Variants in TULP4 observed in about 807,000 individuals in gnomAD.
TULP4 encodes tubby-related protein 4.
In TULP4, 16 loss-of-function variants were observed where a neutral mutation model predicts 129.0. The observed-to-expected ratio is 0.12, with a 90% CI of 0.08 to 0.19. TULP4 has a LOEUF of 0.19. TULP4 is among the 10% of genes least tolerant of loss of function. The pLI is 1.00. For missense variants in TULP4, 1,842 were observed against 2,059.1 expected (o/e 0.89, Z 2.04); for synonymous variants, 998 against 854.0 (o/e 1.17, Z -2.94).
intron 1 of TULP4, chr6:158,242,543 A>T (rs1184663393): frequency 4.0e-6 from 3 of 747,370 alleles, no homozygotes; most frequent in Admixed American, 1.8e-5. Flanking sequence ...AGACATTCTC[A>T]ATTCTGTTGA....
intron 1 of TULP4, among the ~76,000 whole-genome samples, chr6:158,236,795 C>CTTTTTTTTCTTTTTTTTTTTTTTTTTT (rs1777713374): frequency 1.6e-5 from 1 of 63,292 alleles, no homozygotes; most frequent in African/African-American, 7.2e-5. Context: ...CAATTCTTTT[C>CTTTTTTTTCTTTTTTTTTTTTTTTTTT]TTTTTTTTTT....
chr6:158,486,630 G>A (rs1177624104), intron 8 of TULP4, among the ~76,000 whole-genome samples: 3 of 152,084 alleles, frequency 2.0e-5, no homozygotes, highest in Non-Finnish European at 2.9e-5. Flanking sequence ...GGAAGACAGC[G>A]TTCCCCAGAA....
chr6:158,375,747 T>C (rs1018826086), intron 1 of TULP4, among the ~76,000 whole-genome samples: 1 of 152,196 alleles, frequency 6.6e-6, no homozygotes. Flanking sequence ...ACTCCTGACC[T>C]TGGATGGTGT....
intron 1 of TULP4, among the ~76,000 whole-genome samples, chr6:158,296,983 AG>A (rs1301225337): frequency 6.6e-6 from 1 of 152,172 alleles, no homozygotes; most frequent in African/African-American, 2.4e-5. Flanking sequence ...AACAGAAAAC[AG>A]GGTTCGAGAG....
At chr6:158,384,175 G>A (rs1055127547) in intron 1 of TULP4, among the ~76,000 whole-genome samples, 16 of 152,026 alleles carry the variant, frequency 1.1e-4, no homozygotes, top group African/African-American at 3.6e-4. Context: ...AATTTCTCTA[G>A]CATGTAAAGC....
At chr6:158,272,659 A>C (rs1163814656) in intron 1 of TULP4, among the ~76,000 whole-genome samples, 1 of 152,236 alleles carries the variant, frequency 6.6e-6, no homozygotes, top group Non-Finnish European at 1.5e-5. Context: ...TGAGTAGTTA[A>C]GTAGCATAGC....
intron 1 of TULP4, among the ~76,000 whole-genome samples, chr6:158,298,071 G>A (rs1779066111): frequency 6.6e-6 from 1 of 152,072 alleles, no homozygotes; most frequent in Non-Finnish European, 1.5e-5. Flanking sequence ...TCTCCTATTT[G>A]CACATCCATT....
At position 158,364,148 on chromosome 6, in the gene TULP4, TA is replaced by T. The variant is rs201915683; in HGVS notation, c.253-48910del. Among the ~76,000 whole-genome samples, 143 of 152,286 alleles carry T rather than the reference TA, an allele frequency of 9.4e-4. 3 individuals carry two copies. The East Asian group carries it at 0.026, about 27-fold the overall frequency. On this transcript the variant is annotated intron_variant, in intron 1 of 13. Transcript: ENST00000367097. ...CACACTTCAAGGAAGTTTTTAAATT[TA>T]AAAAAATAATTTGAATGCTATGAAA...
chr6:158,378,485 T>TTTTTTTTTTTGG (rs1554285635), intron 1 of TULP4, among the ~76,000 whole-genome samples: 4 of 51,412 alleles, frequency 7.8e-5, no homozygotes, highest in Non-Finnish European at 7.8e-5. Context: ...TTTTTTTTTT[T>TTTTTTTTTTTGG]GGTGGGGGTG....
At chr6:158,239,405 CG>C (rs1166914916) in intron 1 of TULP4, among the ~76,000 whole-genome samples, 1 of 50,450 alleles carries the variant, frequency 2.0e-5, no homozygotes, top group African/African-American at 6.2e-5. Flanking sequence ...GCTGGCCGGG[CG>C]GGGGGCTGAC....
intron 11 of TULP4, among the ~76,000 whole-genome samples, chr6:158,497,587 T>A (rs1439166658): frequency 6.6e-6 from 1 of 152,240 alleles, no homozygotes; most frequent in East Asian, 1.9e-4. Flanking sequence ...AAAATTGCTT[T>A]GTCAATGTGA....
At chr6:158,382,448 G>T (rs913397789) in intron 1 of TULP4, among the ~76,000 whole-genome samples, 1 of 152,194 alleles carries the variant, frequency 6.6e-6, no homozygotes, top group Non-Finnish European at 1.5e-5. Context: ...CCTCCAAGTG[G>T]ATAATGAGCT....
chr6:158,376,264 C>G (rs749755655), intron 1 of TULP4, among the ~76,000 whole-genome samples: 2 of 152,206 alleles, frequency 1.3e-5, no homozygotes, highest in Non-Finnish European at 2.9e-5. Flanking sequence ...CTGGGCACTT[C>G]TGGCTTAGCA....
chr6:158,274,827 C>T (rs1778614533), intron 1 of TULP4, among the ~76,000 whole-genome samples: 2 of 152,320 alleles, frequency 1.3e-5, no homozygotes, highest in Non-Finnish European at 2.9e-5. Context: ...CCACTGCACT[C>T]CGAATAAAAT....
intron 1 of TULP4, among the ~76,000 whole-genome samples, chr6:158,302,380 C>T (rs1370530498): frequency 6.6e-6 from 1 of 152,180 alleles, no homozygotes; most frequent in East Asian, 1.9e-4. Flanking sequence ...GGTATTAAAG[C>T]AGGGGCAGGC....
At chr6:158,405,144 C>T (rs1777949388) in intron 1 of TULP4, among the ~76,000 whole-genome samples, 1 of 152,130 alleles carries the variant, frequency 6.6e-6, no homozygotes, top group African/African-American at 2.4e-5. Context: ...CTTATTGTTG[C>T]TGAAATACAT....
intron 1 of TULP4, among the ~76,000 whole-genome samples, chr6:158,252,786 C>G (rs1778167596): frequency 6.6e-6 from 1 of 151,986 alleles, no homozygotes; most frequent in African/African-American, 2.4e-5. Flanking sequence ...CTTTTTTTCC[C>G]CTTATCAGAA....
intron 1 of TULP4, among the ~76,000 whole-genome samples, chr6:158,394,608 C>T (rs1777661393): frequency 6.6e-6 from 1 of 151,394 alleles, no homozygotes; most frequent in Admixed American, 6.6e-5. Flanking sequence ...ATGGTGAAAC[C>T]CTGTCTCTAC....
chr6:158,237,656 A>G, intron 1 of TULP4: 2 of 1,269,650 alleles, frequency 1.6e-6, no homozygotes, highest in Non-Finnish European at 2.3e-6. Context: ...TTTGGGTCAT[A>G]ATTCTTAGGC....
Sources: gnomAD v4.1 joint callset for allele counts (sites outside exome capture counted in the v4.1 genomes callset) on GRCh38, gnomAD v4.1.1 for gene constraint, MANE v1.5 for transcripts, NCBI Gene and HGNC (gene_info 2026-07-23, HGNC 2026-07-21) for gene names.